Variants in CAPN11 observed in about 807,000 individuals in gnomAD.
CAPN11 encodes the protein calpain-11.
CAPN11 carries 108 observed loss-of-function variants against 105.3 expected under a neutral mutation model. The ratio of observed to expected loss-of-function variants is 1.03; its 90% CI spans 0.88 to 1.20. The LOEUF is 1.20. Among genes scored for constraint, CAPN11 ranks in the 50% most tolerant of loss-of-function variants. The pLI is 0.00. For synonymous variants in CAPN11, 329 were observed against 344.5 expected (o/e 0.96, Z 0.50); for missense variants, 883 against 924.8 (o/e 0.95, Z 0.59).
intron 4 of CAPN11, 48 bp from the exon 5 acceptor site, chr6:44,172,254 C>A (rs767432787): frequency 2.3e-6 from 3 of 1,299,798 alleles, no homozygotes; most frequent in Middle Eastern, 4.7e-4. Context: ...GGCCCACCCA[C>A]ACATATGGGG....
intron 19 of CAPN11, among the ~76,000 whole-genome samples, chr6:44,181,548 CACACTCACATACA>C (rs1773370116): frequency 1.9e-5 from 2 of 103,666 alleles, no homozygotes; most frequent in Non-Finnish European, 2.0e-5. Context: ...CACACACACA[CACACTCACATACA>C]GACACAACCA....
rs753546351 is a variant in CAPN11, at chr6:44,176,625, T to A, written c.1046T>A (p.Leu349Gln). The A allele has an allele frequency of 1.2e-6, 2 of 1,609,082 alleles. No homozygotes were observed. Among genetic ancestry groups the A allele is most frequent in the East Asian group, 4.5e-5 (2 of 44,794 alleles). ...GTGGCCTCAGACATCCAGATGCAGC[T>A]GCTGCACAAGACGGAGGACGGGGAG... ...EEVASDIQMQ[L>Q]LHKTEDGEFW... Residue 349 changes from leucine (L) to glutamine (Q), a missense_variant, in exon 10 of 23, where the codon CTG becomes CAG. By Grantham distance (113) the Leu-to-Gln change is moderately radical (BLOSUM62 -2). Coordinates refer to ENST00000398776, the MANE Select transcript of CAPN11 (RefSeq NM_007058.4).
intron 1 of CAPN11, among the ~76,000 whole-genome samples, chr6:44,161,523 G>T (rs952228508): frequency 6.6e-6 from 1 of 152,332 alleles, no homozygotes; most frequent in Non-Finnish European, 1.5e-5. Context: ...CATGACAACT[G>T]TGGTGGTGTG....
chr6:44,178,575 G>GGT (rs1772543953), intron 12 of CAPN11, among the ~76,000 whole-genome samples: 1 of 151,880 alleles, frequency 6.6e-6, no homozygotes, highest in Admixed American at 6.6e-5. Flanking sequence ...CCTACTCTTA[G>GGT]GGCCATTAGT....
In CAPN11 at chr6:44,184,266, G is replaced by A. The variant is rs1255745214; in HGVS notation, c.*334G>A. On this transcript the variant is annotated 3_prime_UTR_variant, in exon 23 of 23. Transcript: ENST00000398776. ...GCTGGGGAGGCCAAGAATAGGGAAG[G>A]GACTTGTAGCCCGTTTCTTACCCTC... is the stretch of plus-strand genomic sequence containing the variant. 2.4e-6 allele frequency: 1 copy of A among 412,438 alleles called. No homozygotes were observed. Among genetic ancestry groups the A allele is most frequent in the Non-Finnish European group, 4.4e-6 (1 of 225,088 alleles). 25.5% of individuals were successfully genotyped at this position (412,438 alleles called of 1,614,324 possible).
At chr6:44,181,051 C>CA in intron 18 of CAPN11, 54 bp downstream of exon 18, 1 of 1,512,146 alleles carries the variant, frequency 6.6e-7, no homozygotes, top group Non-Finnish European at 9.2e-7. Context: ...CAAGCCTGGC[C>CA]CAGAGATGGC....
intron 2 of CAPN11, among the ~76,000 whole-genome samples, chr6:44,168,259 A>G (rs1428679380): frequency 1.3e-5 from 2 of 152,002 alleles, no homozygotes; most frequent in South Asian, 2.1e-4. Context: ...ATCGCGCAAT[A>G]TGGGGTTCTT....
At chr6:44,162,803 G>A (rs555686600) in intron 1 of CAPN11, among the ~76,000 whole-genome samples, 4 of 152,112 alleles carry the variant, frequency 2.6e-5, no homozygotes, top group African/African-American at 7.2e-5. Context: ...CATGTTGGGG[G>A]TGCATTCACT....
chr6:44,170,694 T>G (rs1324394199), intron 4 of CAPN11, among the ~76,000 whole-genome samples: 4 of 152,166 alleles, frequency 2.6e-5, no homozygotes, highest in African/African-American at 4.8e-5. Flanking sequence ...AGGAGAGGAA[T>G]TAGGCTCTAC....
intron 2 of CAPN11, among the ~76,000 whole-genome samples, chr6:44,167,713 C>T (rs1401719549): frequency 4.0e-5 from 6 of 151,850 alleles, no homozygotes; most frequent in Admixed American, 6.6e-5. Context: ...AGTCCAAGAC[C>T]GGTCTGGGCA....
chr6:44,164,193 AC>A (rs1769410271), intron 1 of CAPN11, among the ~76,000 whole-genome samples: 1 of 152,286 alleles, frequency 6.6e-6, no homozygotes, highest in East Asian at 1.9e-4. Flanking sequence ...TCTATGTTGA[AC>A]ACTTACTATG....
Position 44,179,519 on chromosome 6 carries a change from C to A in CAPN11, c.1417-100C>A, listed in dbSNP as rs566761760. 3.1e-4 allele frequency: 329 copies of A among 1,073,546 alleles called. 3 individuals carry two copies. Among genetic ancestry groups the A allele is most frequent in the South Asian group, 2.7e-3 (216 of 79,466 alleles). The allele number at this position is 1,073,546 out of a possible 1,614,324, so 66.5% of individuals were successfully genotyped here. A position where few individuals can be genotyped will look rare whatever the true frequency, so the allele number is the denominator to read the frequency against. ...CCCTTAATACCCCTCCAACAACACACACACACAGACACACACTATACACAT... is the reference window on the plus strand; with the variant it reads ...CCCTTAATACCCCTCCAACAACACAAACACACAGACACACACTATACACAT... On this transcript the variant is annotated intron_variant, in intron 12 of 22. Transcript: ENST00000398776.
Position 44,183,710 on chromosome 6 carries a change from T to C in CAPN11, c.2140T>C (p.Phe714Leu), listed in dbSNP as rs769001524. The C allele has an allele frequency of 4.3e-6, 7 of 1,613,776 alleles. No individual in the cohort carries two copies. In the African/African-American group the frequency reaches 6.7e-5, roughly 15 times the overall value. ...CCGCTTCCTCTGTAACGCAGCATTC[T>C]TTCTAACCATGGACCCCAAGAATAC... is the stretch of plus-strand genomic sequence containing the variant. Reference protein sequence around the residue: ...FLRLKTMFTFFLTMDPKNTGH... With the variant: ...FLRLKTMFTFLLTMDPKNTGH... Residue 714 changes from phenylalanine (F) to leucine (L), a missense_variant, in exon 22 of 23, where the codon TTT (phenylalanine) becomes CTT (leucine). Physicochemically the swap from Phe to Leu is conservative, Grantham distance 22. Coordinates refer to ENST00000398776, the MANE Select transcript of CAPN11 (RefSeq NM_007058.4).
chr6:44,177,450 T>A, intron 12 of CAPN11, 30 bp downstream of exon 12: 1 of 1,580,128 alleles, frequency 6.3e-7, no homozygotes, highest in Non-Finnish European at 8.7e-7. Flanking sequence ...CGCCCGCCAC[T>A]CACTCTCCCT....
intron 1 of CAPN11, among the ~76,000 whole-genome samples, chr6:44,159,530 C>G (rs1768327928): frequency 6.6e-6 from 1 of 152,028 alleles, no homozygotes; most frequent in Non-Finnish European, 1.5e-5. Context: ...ACCATGGGCC[C>G]CTAGACCCAG....
chr6:44,172,669 G>C (rs761942642), intron 5 of CAPN11, among the ~76,000 whole-genome samples: 1 of 152,216 alleles, frequency 6.6e-6, no homozygotes, highest in Non-Finnish European at 1.5e-5. Flanking sequence ...CACTGTGTGT[G>C]TGGGTGTGTG....
chr6:44,176,564 G>T lies in CAPN11; in HGVS notation c.1002-17G>T. The T allele has an allele frequency of 1.2e-6, 2 of 1,610,638 alleles. No homozygotes were observed. Among genetic ancestry groups the T allele is most frequent in the Non-Finnish European group, 1.7e-6 (2 of 1,177,348 alleles). ...TGACCTCCGCCCCTCTCCTTCCACC[G>T]CCCATCTCTGCTCCAGTGCCAGGGA... On this transcript the variant is annotated splice_polypyrimidine_tract_variant and intron_variant, in intron 9 of 22. Transcript: ENST00000398776.
At chr6:44,165,256 A>T (rs1769602963) in intron 1 of CAPN11, among the ~76,000 whole-genome samples, 1 of 152,158 alleles carries the variant, frequency 6.6e-6, no homozygotes, top group Non-Finnish European at 1.5e-5. Flanking sequence ...TGTTAGAAGA[A>T]AGGGGCCAGT....
chr6:44,174,820 A>G (rs2128305769), intron 7 of CAPN11, among the ~76,000 whole-genome samples: 1 of 152,172 alleles, frequency 6.6e-6, no homozygotes, highest in Middle Eastern at 3.4e-3. Flanking sequence ...GGGTTTCACC[A>G]TGTTGGCCAG....
Sources: allele counts gnomAD v4.1 joint callset (sites outside exome capture counted in the v4.1 genomes callset), GRCh38; gene constraint gnomAD v4.1.1; transcripts MANE v1.5; gene names NCBI Gene and HGNC (gene_info 2026-07-23, HGNC 2026-07-21).